The following PTPRT variants were observed in gnomAD, a reference collection of about 807,000 sequenced individuals.
PTPRT encodes protein tyrosine phosphatase receptor type T, also known as receptor-type tyrosine-protein phosphatase T.
PTPRT carries 56 observed loss-of-function variants against 176.8 expected under a neutral mutation model. That is an observed-to-expected ratio of 0.32 (90% CI 0.26 to 0.40). The LOEUF is 0.40. Among genes scored for constraint, PTPRT ranks in the 10% least tolerant of loss-of-function variants. PTPRT has a pLI of 1.00. For missense variants in PTPRT, 1,540 were observed against 1,908.2 expected (o/e 0.81, Z 3.60); for synonymous variants, 783 against 739.0 (o/e 1.06, Z -0.96).
At chr20:42,320,525 C>T (rs1568771693) in intron 11 of PTPRT, among the ~76,000 whole-genome samples, 1 of 152,150 alleles carries the variant, frequency 6.6e-6, no homozygotes. Flanking sequence ...CAGAAAGATG[C>T]ATATTTTAGT....
chr20:42,385,156 C>T (rs957117402), intron 9 of PTPRT, among the ~76,000 whole-genome samples: 2 of 152,106 alleles, frequency 1.3e-5, no homozygotes, highest in African/African-American at 2.4e-5. Context: ...AAAATCATCG[C>T]CCAGACCAAT....
intron 20 of PTPRT, 41 bp from the exon 21 acceptor site, chr20:42,118,541 C>G: frequency 3.2e-6 from 5 of 1,540,462 alleles, no homozygotes; most frequent in Non-Finnish European, 4.4e-6. Flanking sequence ...AATGCAAGTG[C>G]AAAGCAGCAG....
intron 13 of PTPRT, among the ~76,000 whole-genome samples, chr20:42,280,117 G>A (rs972599707): frequency 6.6e-6 from 1 of 151,246 alleles, no homozygotes; most frequent in Non-Finnish European, 1.5e-5. Flanking sequence ...TTTGATCCGG[G>A]TGGTCAGGAA....
At chr20:42,634,032 T>TAATATATATAATATAATAA in intron 7 of PTPRT, among the ~76,000 whole-genome samples, 1 of 27,496 alleles carries the variant, frequency 3.6e-5, no homozygotes, top group African/African-American at 1.8e-4. Context: ...AATATATATA[T>TAATATATATAATATAATAA]TATATATATT....
At position 42,569,081 on chromosome 20, in the gene PTPRT, A is replaced by AATATATATAT; in HGVS notation, c.1154-96529_1154-96520dup. On this transcript the variant is annotated intron_variant, in intron 7 of 30. Transcript: ENST00000373187. ...AAAAAAAAAAAAAAAAAAAAAAAAA[A>AATATATATAT]ATATATATATATATATATATATATA... Among the ~76,000 whole-genome samples, 171 of 30,798 alleles carry AATATATATAT rather than the reference A, an allele frequency of 5.6e-3. 2 individuals carry two copies. The highest frequency in any genetic ancestry group is 0.012 in the East Asian group (7 of 588). 20.2% of individuals were successfully genotyped at this position (30,798 alleles called of 152,430 possible).
chr20:42,467,735 T>TAC (rs1445826506), intron 8 of PTPRT, among the ~76,000 whole-genome samples: 2 of 152,216 alleles, frequency 1.3e-5, no homozygotes, highest in African/African-American at 4.8e-5. Context: ...AGATATAAGA[T>TAC]ACACACACAT....
At chr20:42,585,787 G>T (rs935008463) in intron 7 of PTPRT, among the ~76,000 whole-genome samples, 5 of 152,064 alleles carry the variant, frequency 3.3e-5, no homozygotes, top group African/African-American at 1.2e-4. Context: ...TGTAATAATA[G>T]AAATCTATTG....
At chr20:42,487,739 C>G (rs910576634) in intron 7 of PTPRT, among the ~76,000 whole-genome samples, 1 of 152,142 alleles carries the variant, frequency 6.6e-6, no homozygotes, top group African/African-American at 2.4e-5. Context: ...CCCTGCAGAC[C>G]TATCTCAGAC....
chr20:43,010,670 G>A (rs1985069759), intron 1 of PTPRT, among the ~76,000 whole-genome samples: 3 of 151,086 alleles, frequency 2.0e-5, no homozygotes, highest in Admixed American at 2.0e-4. Context: ...ATTGAACTTT[G>A]TTTTAAAATA....
At chr20:43,077,405 C>T (rs924180704) in intron 1 of PTPRT, among the ~76,000 whole-genome samples, 2 of 152,188 alleles carry the variant, frequency 1.3e-5, no homozygotes, top group Admixed American at 6.5e-5. Flanking sequence ...TACCACACTG[C>T]ATTCCACACA....
intron 1 of PTPRT, among the ~76,000 whole-genome samples, chr20:43,168,452 T>TC (rs1358742956): frequency 6.6e-6 from 1 of 152,182 alleles, no homozygotes; most frequent in Non-Finnish European, 1.5e-5. Flanking sequence ...GAAGGGGGTA[T>TC]CCTCTGGTTG....
intron 23 of PTPRT, among the ~76,000 whole-genome samples, chr20:42,108,571 G>GAAATT (rs1463552372): frequency 6.6e-6 from 1 of 152,116 alleles, no homozygotes; most frequent in African/African-American, 2.4e-5. Context: ...TTTTTATTGA[G>GAAATT]AAATTATTAC....
chr20:42,715,270 C>A (rs1378642359), intron 6 of PTPRT, among the ~76,000 whole-genome samples: 2 of 152,044 alleles, frequency 1.3e-5, no homozygotes, highest in Non-Finnish European at 2.9e-5. Flanking sequence ...TCTTAGGTAA[C>A]AAACAGGACA....
intron 19 of PTPRT, among the ~76,000 whole-genome samples, chr20:42,126,621 C>T (rs547213115): frequency 6.6e-6 from 1 of 152,318 alleles, no homozygotes; most frequent in South Asian, 2.1e-4. Flanking sequence ...CCCTTTCCCA[C>T]CAACTTGAAG....
At chr20:42,101,444 G>A (rs984236675) in intron 26 of PTPRT, among the ~76,000 whole-genome samples, 2 of 152,104 alleles carry the variant, frequency 1.3e-5, no homozygotes, top group Admixed American at 6.5e-5. Flanking sequence ...AGAAGTATCC[G>A]AAAAACGCAG....
Position 42,195,830 on chromosome 20 carries a change from A to G in PTPRT, c.2491+3410T>C, listed in dbSNP as rs552240347. The stretch of plus-strand genomic sequence containing the variant: ...ATAAAACACATATGCACACACATAC[A>G]TACACACCTTAATCATTTGAAAAGT... On this transcript the variant is annotated intron_variant, in intron 16 of 30. Transcript: ENST00000373187. Among the ~76,000 whole-genome samples the G allele has an allele frequency of 2.6e-5, 4 of 152,338 alleles. No homozygotes were observed. In the South Asian group the frequency reaches 6.2e-4, roughly 24 times the overall value.
intron 12 of PTPRT, among the ~76,000 whole-genome samples, chr20:42,308,631 G>T (rs1271605561): frequency 1.3e-5 from 2 of 152,134 alleles, no homozygotes; most frequent in African/African-American, 2.4e-5. Context: ...ACTCTCTCCC[G>T]ATTTTTTTGA....
At chr20:42,600,679 A>G (rs562280033) in intron 7 of PTPRT, among the ~76,000 whole-genome samples, 5 of 152,184 alleles carry the variant, frequency 3.3e-5, no homozygotes, top group African/African-American at 1.2e-4. Flanking sequence ...TGAACCCGTT[A>G]TTTAGCTACC....
At chr20:42,821,717 G>C (rs867606093) in intron 2 of PTPRT, among the ~76,000 whole-genome samples, 1 of 151,924 alleles carries the variant, frequency 6.6e-6, no homozygotes, top group East Asian at 1.9e-4. Flanking sequence ...GCAAAGTCTC[G>C]GGATACAAAA....
Sources: gnomAD v4.1 joint callset for allele counts (sites outside exome capture counted in the v4.1 genomes callset) on GRCh38, gnomAD v4.1.1 for gene constraint, MANE v1.5 for transcripts, NCBI Gene and HGNC (gene_info 2026-07-23, HGNC 2026-07-21) for gene names.